The following MSN variants were observed in gnomAD, a reference collection of about 807,000 sequenced individuals.
MSN encodes the protein epididymis luminal protein 70.
A neutral mutation model predicts 48.0 loss-of-function variants in MSN; 2 were observed. The observed-to-expected ratio is 0.04, with a 90% confidence interval of 0.02 to 0.13. MSN has a LOEUF of 0.13. MSN is among the 10% of genes least tolerant of loss of function. The pLI, the probability that MSN is intolerant of heterozygous loss-of-function variation, is 1.00. For missense variants in MSN, 267 were observed against 470.1 expected, an observed-to-expected ratio of 0.57 and a Z score of 3.99; for synonymous variants, 146 against 166.9, an observed-to-expected ratio of 0.87 and a Z score of 0.97.
chrX:65,608,019 C>A (rs2070291878), intron 1 of MSN, among the ~76,000 whole-genome samples: 2 of 111,804 alleles, frequency 1.8e-5, no homozygotes, highest in African/African-American at 6.5e-5. Flanking sequence ...GGTGCAAGGG[C>A]AGGTGGAAAG....
intron 1 of MSN, among the ~76,000 whole-genome samples, chrX:65,610,248 A>G (rs774629142): frequency 8.9e-6 from 1 of 112,110 alleles, no homozygotes; most frequent in Non-Finnish European, 1.9e-5. Context: ...ACCATTAAGC[A>G]ATAACTTCCT....
Position 65,741,646 on chromosome X carries a change from C to A in MSN, c.*1753C>A. On this transcript the variant is annotated 3_prime_UTR_variant, in exon 13 of 13. Transcript: ENST00000360270. ...CCCTCAATTCCCCCTGGCCACCACC[C>A]CCCACTCTGTGCCTGACCTTGAGGA... 1.2e-5 allele frequency: 2 copies of A among 171,650 alleles called. No homozygotes were observed. Among genetic ancestry groups the A allele is most frequent in the African/African-American group, 2.9e-5 (1 of 34,141 alleles). The allele number at this position is 171,650 out of a possible 1,213,427, so 14.1% of individuals were successfully genotyped here. A position where few individuals can be genotyped will look rare whatever the true frequency, so the allele number is the denominator to read the frequency against.
At chrX:65,620,063 G>C (rs372715526) in intron 1 of MSN, among the ~76,000 whole-genome samples, 1 of 109,109 alleles carries the variant, frequency 9.2e-6, no homozygotes, top group Admixed American at 9.8e-5. Flanking sequence ...CAATCTGCCC[G>C]TTCTCAGATC....
At chrX:65,621,558 C>T (rs948909267) in intron 1 of MSN, among the ~76,000 whole-genome samples, 4 of 111,582 alleles carry the variant, frequency 3.6e-5, no homozygotes, top group Non-Finnish European at 7.5e-5. Context: ...CAACTTTCTT[C>T]ATCTTTTTCA....
intron 1 of MSN, among the ~76,000 whole-genome samples, chrX:65,634,185 G>T (rs2070580618): frequency 8.9e-6 from 1 of 112,267 alleles, no homozygotes; most frequent in Admixed American, 9.5e-5. Context: ...CCAGGAGGGG[G>T]GCATGTCCTT....
At chrX:65,616,119 T>C (rs969840517) in intron 1 of MSN, among the ~76,000 whole-genome samples, 1 of 111,719 alleles carries the variant, frequency 9.0e-6, no homozygotes, top group African/African-American at 3.3e-5. Context: ...CCTTGTAGTA[T>C]AGTTTGAAGT....
chrX:65,697,086 A>G (rs764823819), intron 1 of MSN, among the ~76,000 whole-genome samples: 1 of 110,165 alleles, frequency 9.1e-6, no homozygotes, highest in African/African-American at 3.3e-5. Context: ...GGAGGTAGGT[A>G]TTTTTGAGAC....
rs146776535 is a variant in MSN, at chrX:65,730,117, G to A, written c.467+405G>A. ...ACCGAGGACATGGGGAGCTCAAATA[G>A]TCTTTTAATATTGACAGCTAGTGTA... On this transcript the variant is annotated intron_variant, in intron 4 of 12. Transcript: ENST00000360270. Among the ~76,000 whole-genome samples the A allele has an allele frequency of 1.6e-4, 18 of 112,291 alleles. No individual in the cohort carries two copies. In the East Asian group the frequency reaches 4.5e-3, roughly 28 times the overall value.
chrX:65,647,740 C>T (rs2070705505), intron 1 of MSN, among the ~76,000 whole-genome samples: 1 of 111,671 alleles, frequency 9.0e-6, no homozygotes, highest in Non-Finnish European at 1.9e-5. Context: ...GGAAAAATGG[C>T]TAGTGTGGCT....
chrX:65,620,083 G>A (rs35473697), intron 1 of MSN, among the ~76,000 whole-genome samples: 3 of 112,123 alleles, frequency 2.7e-5, no homozygotes, highest in Admixed American at 9.4e-5. Context: ...CTCCAGCTGC[G>A]TGCTGGGAGA....
At chrX:65,715,359 A>G (rs1267258739) in intron 1 of MSN, among the ~76,000 whole-genome samples, 1 of 111,884 alleles carries the variant, frequency 8.9e-6, no homozygotes. Context: ...TCTGTGAAGA[A>G]TGTCATTGGT....
chrX:65,607,267 T>G (rs992317216), intron 1 of MSN, among the ~76,000 whole-genome samples: 1 of 111,849 alleles, frequency 8.9e-6, no homozygotes, highest in Non-Finnish European at 1.9e-5. Flanking sequence ...CATCACACTA[T>G]AACATACTGC....
intron 1 of MSN, among the ~76,000 whole-genome samples, chrX:65,619,508 G>A (rs2070412388): frequency 1.0e-5 from 1 of 98,985 alleles, no homozygotes; most frequent in Admixed American, 9.9e-5. Flanking sequence ...ATCGGCTCCT[G>A]AGGCTTCTGC....
rs755819663 is a variant in MSN at position 65,741,123 on chromosome X, C to G, written c.*1230C>G. 33 of 168,646 alleles carry G rather than the reference C, an allele frequency of 2.0e-4. No homozygotes were observed. The highest frequency in any genetic ancestry group is 2.7e-4 in the Non-Finnish European group (24 of 88,165). 13.9% of individuals were successfully genotyped at this position (168,646 alleles called of 1,213,427 possible). A position where few individuals can be genotyped will look rare whatever the true frequency, so the allele number is the denominator to read the frequency against. On this transcript the variant is annotated 3_prime_UTR_variant, in exon 13 of 13. Coordinates refer to ENST00000360270, the MANE Select transcript of MSN (RefSeq NM_002444.3). Reference sequence around the variant, plus strand: ...GGCCCTGCCTCTGTTTGACAAACCTCTAACCCAGGTCTTGACACCAGCTGT... The same window carrying G: ...GGCCCTGCCTCTGTTTGACAAACCTGTAACCCAGGTCTTGACACCAGCTGT...
chrX:65,647,662 C>A (rs1218560756), intron 1 of MSN, among the ~76,000 whole-genome samples: 1 of 112,206 alleles, frequency 8.9e-6, no homozygotes, highest in Non-Finnish European at 1.9e-5. Context: ...TGCTCCCCTG[C>A]AGAATGCATA....
intron 1 of MSN, among the ~76,000 whole-genome samples, chrX:65,614,643 A>C (rs1468870427): frequency 9.8e-6 from 1 of 101,584 alleles, no homozygotes; most frequent in Non-Finnish European, 2.0e-5. Context: ...TGTGAATCAG[A>C]GTTCATTCAT....
At chrX:65,667,968 C>G (rs2070891459) in intron 1 of MSN, 115 bp downstream of exon 1, 3 of 857,792 alleles carry the variant, frequency 3.5e-6, no homozygotes, top group Non-Finnish European at 5.0e-6. Context: ...GCCGCGCCCT[C>G]CGCCATAGCC....
At chrX:65,673,691 C>G (rs1223886438) in intron 1 of MSN, among the ~76,000 whole-genome samples, 1 of 111,959 alleles carries the variant, frequency 8.9e-6, no homozygotes, top group East Asian at 2.8e-4. Flanking sequence ...TAGCCTTAAG[C>G]TTTCCTTTAG....
intron 6 of MSN, among the ~76,000 whole-genome samples, 184 bp from the exon 7 acceptor site, chrX:65,733,000 C>A (rs1602867178): frequency 1.8e-5 from 2 of 109,865 alleles, no homozygotes; most frequent in East Asian, 5.7e-4. Flanking sequence ...GAAGATTGCT[C>A]AAGCCCAAGA....
Sources: gnomAD v4.1 joint callset for allele counts (sites outside exome capture counted in the v4.1 genomes callset) on GRCh38, gnomAD v4.1.1 for gene constraint, MANE v1.5 for transcripts, NCBI Gene and HGNC (gene_info 2026-07-23, HGNC 2026-07-21) for gene names.